Variants in FAM193A observed in about 807,000 individuals in gnomAD.
FAM193A encodes the protein family with sequence similarity 193 member A, also known as protein FAM193A.
Under a neutral mutation model 126.5 loss-of-function variants are expected in FAM193A, and 22 were observed. The ratio of observed to expected loss-of-function variants is 0.17; its 90% CI spans 0.12 to 0.25. The LOEUF is 0.25. Among genes scored for constraint, FAM193A ranks in the 10% least tolerant of loss-of-function variants. The probability of loss-of-function intolerance (pLI) is 1.00; values close to 1 mark genes in which losing one functional copy is unlikely to be tolerated. For missense variants in FAM193A, 1,675 were observed against 1,672.8 expected (o/e 1.00, Z -0.02); for synonymous variants, 761 against 646.8 (o/e 1.18, Z -2.68).
intron 1 of FAM193A, among the ~76,000 whole-genome samples, chr4:2,578,810 TGGAAGTGG>T (rs1739754079): frequency 6.6e-6 from 1 of 152,062 alleles, no homozygotes; most frequent in Admixed American, 6.6e-5. Context: ...ATTTATTAAG[TGGAAGTGG>T]ATCATGATAA....
chr4:2,689,947 C>T (rs899305864), intron 14 of FAM193A, among the ~76,000 whole-genome samples: 3 of 152,224 alleles, frequency 2.0e-5, no homozygotes, highest in Non-Finnish European at 2.9e-5. Flanking sequence ...CCCGTCAGCC[C>T]GGTGAGCCAC....
At chr4:2,638,176 T>A (rs1213752873) in intron 5 of FAM193A, among the ~76,000 whole-genome samples, 1 of 152,204 alleles carries the variant, frequency 6.6e-6, no homozygotes, top group African/African-American at 2.4e-5. Context: ...GGTGCTGCAT[T>A]CACTCTCATG....
At chr4:2,642,641 A>G (rs1744749882) in intron 6 of FAM193A, among the ~76,000 whole-genome samples, 1 of 152,152 alleles carries the variant, frequency 6.6e-6, no homozygotes, top group South Asian at 2.1e-4. Context: ...ACCTTAAAAA[A>G]AAATATTTTA....
At chr4:2,689,302 C>T (rs1428360716) in intron 13 of FAM193A, among the ~76,000 whole-genome samples, 1 of 152,202 alleles carries the variant, frequency 6.6e-6, no homozygotes, top group African/African-American at 2.4e-5. Flanking sequence ...TTCATATCTA[C>T]ATCTGGTTGA....
chr4:2,729,866 C>T (rs889339241), intron 20 of FAM193A, among the ~76,000 whole-genome samples: 5 of 152,172 alleles, frequency 3.3e-5, no homozygotes, highest in African/African-American at 1.2e-4. Flanking sequence ...CGCACCTCAG[C>T]CTCCCAAAGT....
At chr4:2,629,908 G>A (rs532476479) in intron 4 of FAM193A, among the ~76,000 whole-genome samples, 28 of 152,236 alleles carry the variant, frequency 1.8e-4, no homozygotes, top group African/African-American at 6.5e-4. Flanking sequence ...CAAGGCGGGC[G>A]GATCACAAGG....
At position 2,685,002 on chromosome 4, in the gene FAM193A, A is replaced by C. The variant is rs535192838; in HGVS notation, c.2332-4504A>C. Among the ~76,000 whole-genome samples, 94 of 152,310 alleles carry C rather than the reference A, an allele frequency of 6.2e-4. No homozygotes were observed. The Middle Eastern group carries it at 0.014, about 22-fold the overall frequency. On this transcript the variant is annotated intron_variant, in intron 13 of 20. Coordinates refer to ENST00000637812, the MANE Select transcript of FAM193A (RefSeq NM_001366318.2). ...TAACGACTACAGGGCCTGAATCTATACCGGAACCCAAGGCATGTGACTTTG... is the reference window on the plus strand; with the variant it reads ...TAACGACTACAGGGCCTGAATCTATCCCGGAACCCAAGGCATGTGACTTTG...
At chr4:2,536,181 G>C (rs1364359891), upstream of FAM193A, among the ~76,000 whole-genome samples, 2 of 151,300 alleles carry the variant, frequency 1.3e-5, no homozygotes, top group African/African-American at 4.8e-5. Flanking sequence ...CGGGGCGGGC[G>C]GGCAGCGGAC....
intron 20 of FAM193A, among the ~76,000 whole-genome samples, chr4:2,717,587 CTT>C (rs1435693203): frequency 7.6e-6 from 1 of 131,884 alleles, no homozygotes; most frequent in Admixed American, 9.0e-5. Context: ...CAGAGAGAGA[CTT>C]TGTCTCAGGA....
intron 7 of FAM193A, among the ~76,000 whole-genome samples, chr4:2,647,293 G>A (rs1449357499): frequency 3.9e-5 from 6 of 152,092 alleles, no homozygotes; most frequent in Non-Finnish European, 8.8e-5. Flanking sequence ...TTACAGGCAT[G>A]CACCAACCAT....
intron 2 of FAM193A, among the ~76,000 whole-genome samples, chr4:2,610,768 G>T (rs922569977): frequency 2.6e-5 from 4 of 151,328 alleles, no homozygotes; most frequent in African/African-American, 7.3e-5. Flanking sequence ...ATGGAGTTTC[G>T]CTCTTGTCAC....
chr4:2,569,639 A>G (rs1739177611), intron 1 of FAM193A, among the ~76,000 whole-genome samples: 2 of 151,970 alleles, frequency 1.3e-5, no homozygotes, highest in Admixed American at 1.3e-4. Context: ...CTGGGACCAC[A>G]GGCATGCACC....
intron 20 of FAM193A, among the ~76,000 whole-genome samples, chr4:2,718,644 T>C (rs1287554225): frequency 6.6e-6 from 1 of 152,064 alleles, no homozygotes; most frequent in Non-Finnish European, 1.5e-5. Context: ...GGAGGATGGG[T>C]TGAGCCTGAG....
intron 6 of FAM193A, among the ~76,000 whole-genome samples, chr4:2,640,654 A>G (rs1744522859): frequency 6.6e-6 from 1 of 152,196 alleles, no homozygotes; most frequent in Non-Finnish European, 1.5e-5. Context: ...GACAGCAGCC[A>G]TCTACATTTG....
At chr4:2,701,372 T>G (rs745621147) in intron 19 of FAM193A, among the ~76,000 whole-genome samples, 3 of 152,082 alleles carry the variant, frequency 2.0e-5, no homozygotes, top group Non-Finnish European at 4.4e-5. Flanking sequence ...TTTCCTTTCC[T>G]TTGGATCGGT....
rs922335056 is a variant in FAM193A, at chr4:2,626,590, C to G, written c.803+13C>G. On this transcript the variant is annotated intron_variant, in intron 4 of 20. Transcript: ENST00000637812. ...AGCTCGTGGATAGGTACATACTGCC[C>G]TTTCCTGTTGTGGCCCCATGCAAAC... 10 of 686,062 alleles carry G rather than the reference C, an allele frequency of 1.5e-5. No individual in the cohort carries two copies. The East Asian group carries it at 2.4e-4, about 17-fold the overall frequency. 42.5% of individuals were successfully genotyped at this position (686,062 alleles called of 1,614,324 possible).
intron 19 of FAM193A, among the ~76,000 whole-genome samples, chr4:2,713,773 C>T (rs962805528): frequency 1.3e-5 from 2 of 152,174 alleles, no homozygotes; most frequent in Non-Finnish European, 2.9e-5. Flanking sequence ...GAAGCTCATC[C>T]TCAGGCAGTG....
At chr4:2,709,020 A>G (rs1718629073) in intron 19 of FAM193A, among the ~76,000 whole-genome samples, 1 of 152,240 alleles carries the variant, frequency 6.6e-6, no homozygotes, top group South Asian at 2.1e-4. Flanking sequence ...ATATTATAAG[A>G]TAATTATTTA....
chr4:2,577,892 T>G lies in FAM193A; in HGVS notation c.256-18192T>G, dbSNP rs544897843. Among the ~76,000 whole-genome samples, 21 of 152,328 alleles carry G rather than the reference T, an allele frequency of 1.4e-4. 2 individuals carry two copies. The South Asian group carries it at 3.9e-3, about 29-fold the overall frequency. ...CAACATTGGCCAGACATCTAAAGTT[T>G]TGTTATACTGTATAATCGTTTTCAG... On this transcript the variant is annotated intron_variant, in intron 1 of 20. Transcript: ENST00000637812.
Sources: allele counts gnomAD v4.1 joint callset (sites outside exome capture counted in the v4.1 genomes callset), GRCh38; gene constraint gnomAD v4.1.1; transcripts MANE v1.5; gene names NCBI Gene and HGNC (gene_info 2026-07-23, HGNC 2026-07-21).